ABHD18: variants seen among roughly 807,000 people sequenced by gnomAD.
ABHD18 encodes the protein abhydrolase domain containing 18.
A neutral mutation model predicts 65.9 loss-of-function variants in ABHD18; 55 were observed. That is an observed-to-expected ratio of 0.84 (90% CI 0.67 to 1.05). ABHD18 has a LOEUF of 1.05. ABHD18 is among the 50% of genes least tolerant of loss of function. The pLI, the probability that ABHD18 is intolerant of heterozygous loss-of-function variation, is 0.00. For synonymous variants in ABHD18, 181 were observed against 180.2 expected, an observed-to-expected ratio of 1.00 and a Z score of -0.04; for missense variants, 533 against 558.5, an observed-to-expected ratio of 0.95 and a Z score of 0.46.
chr4:127,991,227 T>C lies in ABHD18; in HGVS notation c.278+1406T>C, dbSNP rs144328778. The stretch of plus-strand genomic sequence containing the variant: ...TTGTTTTTGAGATGGAATCTCACTC[T>C]GTCTCCCAGGCTAGAGACAGAGTCT... On this transcript the variant is annotated intron_variant, in intron 4 of 12. Coordinates refer to ENST00000645843, the MANE Select transcript of ABHD18 (RefSeq NM_001358451.3). Among the ~76,000 whole-genome samples the C allele has an allele frequency of 1.3e-3, 201 of 152,252 alleles. 5 individuals are homozygous for C. In the East Asian group the frequency reaches 0.029, roughly 22 times the overall value.
intron 1 of ABHD18, among the ~76,000 whole-genome samples, chr4:127,968,628 A>G (rs1746148981): frequency 6.6e-6 from 1 of 152,234 alleles, no homozygotes; most frequent in African/African-American, 2.4e-5. Context: ...CATTTCTAGG[A>G]AAGACTTTTT....
chr4:127,996,175 T>C (rs1033344905), intron 4 of ABHD18, among the ~76,000 whole-genome samples: 30 of 152,244 alleles, frequency 2.0e-4, no homozygotes, highest in Non-Finnish European at 4.1e-4. Flanking sequence ...ATAAAACTAA[T>C]GTGATATGAC....
chr4:128,005,239 G>T (rs902198799), intron 4 of ABHD18, among the ~76,000 whole-genome samples: 5 of 152,020 alleles, frequency 3.3e-5, no homozygotes, highest in African/African-American at 1.2e-4. Context: ...AAAAAAAATT[G>T]TACATATCCA....
At chr4:128,017,678 G>A (rs1038124742) in intron 8 of ABHD18, among the ~76,000 whole-genome samples, 177 bp downstream of exon 8, 12 of 152,072 alleles carry the variant, frequency 7.9e-5, no homozygotes, top group Non-Finnish European at 1.3e-4. Flanking sequence ...TTTTTTGTAC[G>A]ATTTATTGAT....
At chr4:128,005,356 G>A (rs1007181261) in intron 4 of ABHD18, among the ~76,000 whole-genome samples, 1 of 152,246 alleles carries the variant, frequency 6.6e-6, no homozygotes, top group South Asian at 2.1e-4. Flanking sequence ...CTGGAATTGA[G>A]AAAGGCCTAT....
chr4:128,011,810 T>TGG (rs143560884), intron 7 of ABHD18, 110 bp downstream of exon 7: 10 of 248,916 alleles, frequency 4.0e-5, no homozygotes, highest in African/African-American at 1.3e-4. Context: ...CTAAATATTA[T>TGG]GGGGGGGGGG....
intron 4 of ABHD18, among the ~76,000 whole-genome samples, chr4:128,002,146 G>T (rs936576626): frequency 5.3e-5 from 8 of 152,036 alleles, no homozygotes; most frequent in Non-Finnish European, 1.0e-4. Flanking sequence ...GTGGTGGCAG[G>T]CACCTGTAAT....
chr4:127,975,056 GA>G (rs1386324151), intron 1 of ABHD18, among the ~76,000 whole-genome samples: 1 of 149,026 alleles, frequency 6.7e-6, no homozygotes, highest in Non-Finnish European at 1.5e-5. Context: ...TTGTCAAAAG[GA>G]AAAGAAAGCA....
intron 4 of ABHD18, among the ~76,000 whole-genome samples, chr4:128,003,027 G>T (rs2149116309): frequency 6.6e-6 from 1 of 152,110 alleles, no homozygotes; most frequent in South Asian, 2.1e-4. Context: ...TTTGACATTT[G>T]ACCTTATTCT....
chr4:128,030,995 A>G (rs1025642673), intron 12 of ABHD18: 22 of 1,052,850 alleles, frequency 2.1e-5, no homozygotes, highest in Non-Finnish European at 2.2e-5. Context: ...TGGTGCATCA[A>G]GAGTTTTTTC....
At position 128,018,876 on chromosome 4, in the gene ABHD18, T is replaced by A. The variant is rs532629499; in HGVS notation, c.610-1204T>A. 7.2e-5 allele frequency among the ~76,000 whole-genome samples: 11 copies of A among 151,898 alleles called. No individual in the cohort carries two copies. The South Asian group carries it at 2.3e-3, about 32-fold the overall frequency. ...TAAAAATACAAAAACTAGCCGGGTG[T>A]GGTGGCACGTGCCTGTAATCCCAGC... On this transcript the variant is annotated intron_variant, in intron 8 of 12. Coordinates refer to ENST00000645843, the MANE Select transcript of ABHD18 (RefSeq NM_001358451.3).
intron 7 of ABHD18, among the ~76,000 whole-genome samples, chr4:128,016,719 G>A (rs1407054172): frequency 0.01 from 1 of 96 alleles, no homozygotes; most frequent in Non-Finnish European, 0.023. Context: ...AGGCAGCAGT[G>A]AGCCAAGATC....
At chr4:128,031,013 T>C in intron 12 of ABHD18, 1 of 1,027,912 alleles carries the variant, frequency 9.7e-7, no homozygotes, top group East Asian at 9.1e-5. Context: ...TTCACTCTAT[T>C]CTGATGTTTT....
At chr4:127,996,733 A>C (rs1156729186) in intron 4 of ABHD18, among the ~76,000 whole-genome samples, 2 of 152,178 alleles carry the variant, frequency 1.3e-5, no homozygotes, top group Non-Finnish European at 2.9e-5. Context: ...ACACTCCCAG[A>C]GCAGCTGTCT....
At chr4:127,984,646 T>C (rs1263437490) in intron 3 of ABHD18, among the ~76,000 whole-genome samples, 13 of 151,752 alleles carry the variant, frequency 8.6e-5, no homozygotes, top group Admixed American at 7.9e-4. Flanking sequence ...TCACCTGAGG[T>C]TGGGAGTTCA....
chr4:127,986,892 C>T lies in ABHD18; in HGVS notation c.177+2469C>T, dbSNP rs193074719. ...TTGCTCCTTTTTACATTGAGTTATC[C>T]ATCTTTTTATTGTTGGGTTGTATAT... On this transcript the variant is annotated intron_variant, in intron 3 of 12. Coordinates refer to ENST00000645843, the MANE Select transcript of ABHD18 (RefSeq NM_001358451.3). Among the ~76,000 whole-genome samples, 297 of 152,160 alleles carry T rather than the reference C, an allele frequency of 2.0e-3. 5 individuals are homozygous for T. Among genetic ancestry groups the T allele is most frequent in the Non-Finnish European group, 4.9e-4 (33 of 67,998 alleles).
intron 4 of ABHD18, 107 bp from the exon 5 acceptor site, chr4:128,008,813 A>G (rs768387255): frequency 1.4e-6 from 1 of 727,642 alleles, no homozygotes; most frequent in Non-Finnish European, 2.2e-6. Flanking sequence ...ATTTCGACTG[A>G]TCTTTTCTGT....
At chr4:127,971,056 C>A (rs1280610037) in intron 1 of ABHD18, among the ~76,000 whole-genome samples, 2 of 146,450 alleles carry the variant, frequency 1.4e-5, no homozygotes, top group African/African-American at 5.1e-5. Flanking sequence ...GCCTGGGTGA[C>A]AAGAGCCAGA....
chr4:128,028,648 A>T lies in ABHD18; in HGVS notation c.975A>T (p.Thr325=). ...CTAGCAAAACATCTGTCAGTGCGACATCAGAAGGACTCTTATTGCAAGATA... is the reference window on the plus strand; with the variant it reads ...CTAGCAAAACATCTGTCAGTGCGACTTCAGAAGGACTCTTATTGCAAGATA... ...HNSSKTSVSA[T]SEGLLLQDTS... The change falls in exon 11 of 13, where the codon ACA becomes ACT. Residue 325 remains threonine, a synonymous_variant. Coordinates refer to ENST00000645843, the MANE Select transcript of ABHD18 (RefSeq NM_001358451.3). 6.2e-7 allele frequency: 1 copy of T among 1,613,948 alleles called. No homozygotes were observed. The highest frequency in any genetic ancestry group is 8.5e-7 in the Non-Finnish European group (1 of 1,179,862).
Sources: allele counts gnomAD v4.1 joint callset (sites outside exome capture counted in the v4.1 genomes callset), GRCh38; gene constraint gnomAD v4.1.1; transcripts MANE v1.5; gene names NCBI Gene and HGNC (gene_info 2026-07-23, HGNC 2026-07-21).